DLGAP1: variants seen among roughly 807,000 people sequenced by gnomAD.
DLGAP1 encodes disks large-associated protein 1.
DLGAP1 carries 11 observed loss-of-function variants against 90.8 expected under a neutral mutation model. The observed-to-expected ratio is 0.12, with a 90% CI of 0.08 to 0.20. The LOEUF (loss-of-function observed/expected upper bound fraction) is 0.20. DLGAP1 is among the 10% of genes least tolerant of loss of function. The pLI, the probability that DLGAP1 is intolerant of heterozygous loss-of-function variation, is 1.00. For synonymous variants in DLGAP1, 558 were observed against 540.7 expected (o/e 1.03, Z -0.44); for missense variants, 1,050 against 1,333.8 (o/e 0.79, Z 3.31).
intron 4 of DLGAP1, among the ~76,000 whole-genome samples, chr18:3,868,923 C>T (rs1234440581): frequency 6.6e-6 from 1 of 152,132 alleles, no homozygotes; most frequent in Non-Finnish European, 1.5e-5. Flanking sequence ...GACATTTGGT[C>T]ATCTTCTATC....
chr18:4,148,037 G>A (rs2076614771), intron 2 of DLGAP1, among the ~76,000 whole-genome samples: 1 of 152,108 alleles, frequency 6.6e-6, no homozygotes, highest in East Asian at 1.9e-4. Flanking sequence ...TTCTGGTTGG[G>A]CACGGAAAAA....
chr18:4,425,125 T>C (rs1291000712), intron 1 of DLGAP1, among the ~76,000 whole-genome samples: 2 of 152,074 alleles, frequency 1.3e-5, no homozygotes. Context: ...TTGTCATTTC[T>C]TGAAGCTCAA....
intron 1 of DLGAP1, among the ~76,000 whole-genome samples, chr18:4,373,438 G>T (rs759328669): frequency 2.0e-5 from 3 of 152,164 alleles, no homozygotes; most frequent in African/African-American, 7.2e-5. Context: ...GGATTCCAGC[G>T]TGGAGGAAAG....
chr18:3,743,739 C>T (rs186630456), intron 5 of DLGAP1, among the ~76,000 whole-genome samples: 185 of 152,268 alleles, frequency 1.2e-3, no homozygotes, highest in African/African-American at 4.4e-3. Flanking sequence ...CAGCCTCCGC[C>T]TCCTAGGTTC....
intron 1 of DLGAP1, among the ~76,000 whole-genome samples, chr18:4,417,464 G>A (rs9957212): frequency 0.44 from 67,249 of 151,898 alleles, 15,620 homozygotes; most frequent in African/African-American, 0.6. Context: ...AGACAGAAAC[G>A]TTTGCTTACT....
At chr18:4,220,268 T>C (rs2078047274) in intron 1 of DLGAP1, among the ~76,000 whole-genome samples, 1 of 112,862 alleles carries the variant, frequency 8.9e-6, no homozygotes, top group Non-Finnish European at 2.0e-5. Flanking sequence ...ACAAAGACAG[T>C]ACATAAAATC....
intron 1 of DLGAP1, among the ~76,000 whole-genome samples, chr18:4,437,308 A>T (rs1393315354): frequency 6.6e-6 from 1 of 152,224 alleles, no homozygotes; most frequent in Admixed American, 6.5e-5. Flanking sequence ...TGCATTTTTC[A>T]GAATTGTTAA....
chr18:4,259,241 A>G (rs1049347705), intron 1 of DLGAP1, among the ~76,000 whole-genome samples: 2 of 152,196 alleles, frequency 1.3e-5, no homozygotes, highest in African/African-American at 4.8e-5. Flanking sequence ...GAAGAGAAGA[A>G]AGGGAATCTG....
Position 3,879,487 on chromosome 18 carries a change from C to A in DLGAP1, c.582G>T (p.Arg194=). 6.2e-7 allele frequency: 1 copy of A among 1,604,682 alleles called. No homozygotes were observed. The highest frequency in any genetic ancestry group is 8.5e-7 in the Non-Finnish European group (1 of 1,179,840). The change falls in exon 4 of 13, where the codon CGG becomes CGT. Residue 194 remains arginine, a synonymous_variant. Transcript: ENST00000315677. This position sits in a 1 kb window ranked among gnomAD's most constrained non-coding sequence, Gnocchi z 6.6. ...SKERRAEPKA[R]PSTSPGWWSS... ...TCCACCAGCCCGGGGAGGTGCTGGG[C>A]CGGGCCTTGGGCTCCGCGCGCCGCT...
chr18:4,022,105 T>C (rs1599339767), intron 2 of DLGAP1, among the ~76,000 whole-genome samples: 1 of 152,286 alleles, frequency 6.6e-6, no homozygotes, highest in South Asian at 2.1e-4. Flanking sequence ...ACAGAGTTGG[T>C]GTTTTTATAG....
chr18:4,043,123 T>C (rs531687952), intron 2 of DLGAP1, among the ~76,000 whole-genome samples: 3 of 152,252 alleles, frequency 2.0e-5, no homozygotes, highest in Non-Finnish European at 4.4e-5. Context: ...GACCTTCTCA[T>C]ATGATTTTCA....
intron 1 of DLGAP1, among the ~76,000 whole-genome samples, chr18:4,349,216 T>C (rs1039020225): frequency 6.6e-6 from 1 of 152,102 alleles, no homozygotes; most frequent in African/African-American, 2.4e-5. Flanking sequence ...CTCTGCAGTA[T>C]TCGTGCAAAA....
intron 3 of DLGAP1, among the ~76,000 whole-genome samples, chr18:3,907,774 C>G (rs1286707814): frequency 6.6e-6 from 1 of 152,212 alleles, no homozygotes; most frequent in East Asian, 1.9e-4. Context: ...TACCTCTCAG[C>G]AGGTGCCAAC....
At chr18:3,712,343 A>G (rs1311930143) in intron 7 of DLGAP1, among the ~76,000 whole-genome samples, 4 of 152,004 alleles carry the variant, frequency 2.6e-5, no homozygotes, top group Admixed American at 2.6e-4. Flanking sequence ...CCAGCAGCTC[A>G]CCCGTCTCTG....
intron 7 of DLGAP1, among the ~76,000 whole-genome samples, chr18:3,630,636 C>T (rs887981886): frequency 3.3e-5 from 5 of 152,050 alleles, no homozygotes; most frequent in African/African-American, 1.2e-4. Flanking sequence ...GAATATTGTC[C>T]CTTCCCCACT....
Position 3,534,441 on chromosome 18 carries a change from T to C in DLGAP1, c.2232A>G (p.Ser744=), listed in dbSNP as rs1232205300. 6.2e-7 allele frequency: 1 copy of C among 1,614,054 alleles called. No individual in the cohort carries two copies. The highest frequency in any genetic ancestry group is 1.7e-5 in the Admixed American group (1 of 60,004). ...ASTSTVSIQG[S]GNHYHACAAD... ...CGGCACAGGCATGGTAATGGTTTCC[T>C]GAGCCCTGAATGCTGACTGTGGAGG... The change falls in exon 10 of 13, where the codon TCA becomes TCG. Residue 744 remains serine (S), a synonymous_variant. Coordinates refer to ENST00000315677, the MANE Select transcript of DLGAP1 (RefSeq NM_004746.4).
intron 7 of DLGAP1, among the ~76,000 whole-genome samples, chr18:3,616,248 A>G (rs1399294615): frequency 1.3e-5 from 2 of 152,230 alleles, no homozygotes; most frequent in Non-Finnish European, 2.9e-5. Context: ...AGGTGTTCAC[A>G]AACTTTTTCT....
At chr18:4,426,270 T>G (rs776985792) in intron 1 of DLGAP1, among the ~76,000 whole-genome samples, 2 of 152,172 alleles carry the variant, frequency 1.3e-5, no homozygotes, top group African/African-American at 4.8e-5. Context: ...ATGGCCTGAT[T>G]TGAGGCCACG....
At chr18:4,278,338 A>G (rs941830436) in intron 1 of DLGAP1, among the ~76,000 whole-genome samples, 1 of 152,150 alleles carries the variant, frequency 6.6e-6, no homozygotes, top group African/African-American at 2.4e-5. Context: ...ATGTTGTTAC[A>G]TGGATACATT....
Sources: gnomAD v4.1 joint callset for allele counts (sites outside exome capture counted in the v4.1 genomes callset) on GRCh38, gnomAD v4.1.1 for gene constraint, Gnocchi (gnomAD v3.1) non-coding constraint, MANE v1.5 for transcripts, NCBI Gene and HGNC (gene_info 2026-07-23, HGNC 2026-07-21) for gene names.